The following DCDC2 variants were observed in gnomAD, a reference collection of about 807,000 sequenced individuals.
The protein encoded by DCDC2 is doublecortin domain containing 2.
In DCDC2, 40 loss-of-function variants were observed where a neutral mutation model predicts 50.2. The observed-to-expected ratio is 0.80, with a 90% CI of 0.62 to 1.04. The LOEUF is 1.04. Among genes scored for constraint, DCDC2 ranks in the 50% least tolerant of loss-of-function variants. The pLI, the probability that DCDC2 is intolerant of heterozygous loss-of-function variation, is 0.00. For synonymous variants in DCDC2, 234 were observed against 210.6 expected (o/e 1.11, Z -0.96); for missense variants, 570 against 581.9 (o/e 0.98, Z 0.21).
intron 2 of DCDC2, among the ~76,000 whole-genome samples, chr6:24,324,360 G>T (rs1237183862): frequency 6.6e-6 from 1 of 152,196 alleles, no homozygotes; most frequent in Non-Finnish European, 1.5e-5. Flanking sequence ...AAAGGAAAAT[G>T]AATGACAGTG....
At chr6:24,223,749 T>A (rs1762165980) in intron 7 of DCDC2, among the ~76,000 whole-genome samples, 1 of 152,260 alleles carries the variant, frequency 6.6e-6, no homozygotes, top group South Asian at 2.1e-4. Flanking sequence ...AATTACCATG[T>A]GTCTGAGGAT....
At position 24,175,732 on chromosome 6, in the gene DCDC2, C is replaced by T. The variant is rs138371894; in HGVS notation, c.1327-898G>A. 2.0e-4 allele frequency among the ~76,000 whole-genome samples: 30 copies of T among 152,240 alleles called. 1 individual carries two copies. Among genetic ancestry groups the T allele is most frequent in the Admixed American group, 5.2e-4 (8 of 15,300 alleles). On this transcript the variant is annotated intron_variant, in intron 9 of 9. Coordinates refer to ENST00000378454, the MANE Select transcript of DCDC2 (RefSeq NM_016356.5). ...GGTATTTTCCTACAATCATATCTCG[C>T]TTTGTACAAGAATTGTTACATGGAA...
intron 6 of DCDC2, among the ~76,000 whole-genome samples, chr6:24,284,301 A>C (rs1561757980): frequency 6.6e-6 from 1 of 152,128 alleles, no homozygotes. Context: ...CCACAGCCAG[A>C]ATGAGCACTT....
intron 4 of DCDC2, among the ~76,000 whole-genome samples, chr6:24,293,376 T>C (rs1763793543): frequency 6.6e-6 from 1 of 152,182 alleles, no homozygotes; most frequent in Admixed American, 6.5e-5. Flanking sequence ...AATATACTGA[T>C]GCATAGGGAG....
chr6:24,320,956 A>AT (rs746094923), intron 2 of DCDC2, among the ~76,000 whole-genome samples: 1 of 148,122 alleles, frequency 6.8e-6, no homozygotes, highest in African/African-American at 2.5e-5. Flanking sequence ...AAATAAAAAA[A>AT]TTAAAAAAAA....
chr6:24,192,405 G>A (rs1761334958), intron 8 of DCDC2, among the ~76,000 whole-genome samples: 1 of 150,990 alleles, frequency 6.6e-6, no homozygotes, highest in Non-Finnish European at 1.5e-5. Flanking sequence ...CACACAGTGT[G>A]TCCTTAATAC....
At chr6:24,276,258 A>T (rs1189760040) in intron 7 of DCDC2, among the ~76,000 whole-genome samples, 1 of 152,164 alleles carries the variant, frequency 6.6e-6, no homozygotes, top group Non-Finnish European at 1.5e-5. Context: ...TACAAATGAG[A>T]TAACCTGAAA....
intron 7 of DCDC2, among the ~76,000 whole-genome samples, chr6:24,250,440 A>G (rs895851807): frequency 3.3e-5 from 5 of 152,218 alleles, no homozygotes; most frequent in African/African-American, 9.6e-5. Flanking sequence ...AGGATCCTAC[A>G]GAGGTAAAAA....
In DCDC2 at chr6:24,173,052, A is replaced by C. The variant is rs1407863696; in HGVS notation, c.*1678T>G. The C allele has an allele frequency of 6.1e-5, 9 of 147,870 alleles. No homozygotes were observed. The Admixed American group carries it at 6.2e-4, about 10-fold the overall frequency. The allele number at this position is 147,870 out of a possible 1,614,324, so 9.2% of individuals were successfully genotyped here. The stretch of plus-strand genomic sequence containing the variant: ...AATTGGTCTATTTGCCTACCAACCC[A>C]AGATTGTTGCTTATAGCCCACAGTG... On this transcript the variant is annotated 3_prime_UTR_variant, in exon 10 of 10. Transcript: ENST00000378454.
intron 8 of DCDC2, among the ~76,000 whole-genome samples, chr6:24,187,477 C>T (rs1761229726): frequency 6.6e-6 from 1 of 152,108 alleles, no homozygotes; most frequent in Non-Finnish European, 1.5e-5. Context: ...GCTAAGATAC[C>T]TCTAGTACAT....
intron 5 of DCDC2, among the ~76,000 whole-genome samples, chr6:24,290,086 C>T (rs1290985912): frequency 7.1e-6 from 1 of 140,384 alleles, no homozygotes; most frequent in Non-Finnish European, 1.5e-5. Context: ...CTCCGCCTCC[C>T]GGGTTCACGC....
chr6:24,181,628 G>A (rs1435592806), intron 8 of DCDC2, among the ~76,000 whole-genome samples: 1 of 152,182 alleles, frequency 6.6e-6, no homozygotes, highest in African/African-American at 2.4e-5. Flanking sequence ...AGCCAGTGAG[G>A]TGAAAGACTT....
At chr6:24,271,711 T>C (rs1006249767) in intron 7 of DCDC2, among the ~76,000 whole-genome samples, 8 of 152,196 alleles carry the variant, frequency 5.3e-5, no homozygotes, top group Non-Finnish European at 7.3e-5. Flanking sequence ...GGAAACACCA[T>C]TGTACACAGT....
chr6:24,364,183 C>A, the DCDC2 span, among the ~76,000 whole-genome samples: 6 of 152,144 alleles, frequency 3.9e-5, no homozygotes, highest in Non-Finnish European at 8.8e-5. Context: ...CTACCCCACT[C>A]CCCAGATCAG....
intron 8 of DCDC2, among the ~76,000 whole-genome samples, chr6:24,190,490 G>C (rs929947202): frequency 1.3e-5 from 2 of 152,124 alleles, no homozygotes; most frequent in African/African-American, 4.8e-5. Flanking sequence ...TAACAAACCT[G>C]CACGTTGTGC....
chr6:24,211,775 C>G (rs1761876031), intron 7 of DCDC2, among the ~76,000 whole-genome samples: 1 of 152,192 alleles, frequency 6.6e-6, no homozygotes, highest in Non-Finnish European at 1.5e-5. Flanking sequence ...CTGATGACAG[C>G]TTGGTTGTAA....
chr6:24,324,189 A>G (rs1183824518), intron 2 of DCDC2, among the ~76,000 whole-genome samples: 4 of 151,190 alleles, frequency 2.6e-5, no homozygotes, highest in Non-Finnish European at 4.4e-5. Flanking sequence ...TAGATACAGA[A>G]GAATGCTCAA....
At chr6:24,375,512 T>C in the DCDC2 span, among the ~76,000 whole-genome samples, 77 of 152,294 alleles carry the variant, frequency 5.1e-4, 1 homozygote, top group African/African-American at 1.8e-3. Flanking sequence ...GTCATAAATA[T>C]TGTTATTCTC....
chr6:24,215,060 G>A (rs533952689), intron 7 of DCDC2, among the ~76,000 whole-genome samples: 1 of 152,200 alleles, frequency 6.6e-6, no homozygotes, highest in South Asian at 2.1e-4. Flanking sequence ...CACAGAATAC[G>A]CATAGCATGC....
Sources: gnomAD v4.1 joint callset for allele counts (sites outside exome capture counted in the v4.1 genomes callset) on GRCh38, gnomAD v4.1.1 for gene constraint, MANE v1.5 for transcripts, NCBI Gene and HGNC (gene_info 2026-07-23, HGNC 2026-07-21) for gene names.